The following CTNNA2 variants were observed in gnomAD, a reference collection of about 807,000 sequenced individuals.
CTNNA2 encodes catenin alpha-2.
Under a neutral mutation model 101.0 loss-of-function variants are expected in CTNNA2, and 42 were observed. The observed-to-expected ratio is 0.42, with a 90% CI of 0.32 to 0.54. The LOEUF (loss-of-function observed/expected upper bound fraction) is 0.54, where lower values mean the gene tolerates loss of function less well. CTNNA2 is among the 20% of genes least tolerant of loss of function. CTNNA2 has a pLI of 0.14. For missense variants in CTNNA2, 871 were observed against 1,223.1 expected, an observed-to-expected ratio of 0.71 and a Z score of 4.29; for synonymous variants, 450 against 456.4, an observed-to-expected ratio of 0.99 and a Z score of 0.18.
rs1383752925 is a variant in CTNNA2, at chr2:79,597,117, T to G, written c.-5-54435T>G. Among the ~76,000 whole-genome samples, 3 of 152,246 alleles carry G rather than the reference T, an allele frequency of 2.0e-5. No individual in the cohort carries two copies. In the East Asian group the frequency reaches 5.8e-4, roughly 29 times the overall value. ...ACAAAATAAACTGTACGTATATGCA[T>G]GCACATGCCTTTTGTGTGTGAACAA... On this transcript the variant is annotated intron_variant, in intron 1 of 18. Coordinates refer to ENST00000402739, the MANE Select transcript of CTNNA2 (RefSeq NM_001282597.3).
chr2:80,512,567 T>C (rs1002904441), intron 9 of CTNNA2, among the ~76,000 whole-genome samples: 6 of 152,214 alleles, frequency 3.9e-5, no homozygotes, highest in African/African-American at 1.4e-4. Context: ...AGACTCAGGT[T>C]AACGTTTAAA....
chr2:79,258,587 C>T (rs1674877373), intron 2 of CTNNA2, among the ~76,000 whole-genome samples: 2 of 152,038 alleles, frequency 1.3e-5, no homozygotes, highest in African/African-American at 2.4e-5. Flanking sequence ...AGTGTTGTCT[C>T]TAAAATATCT....
intron 1 of CTNNA2, among the ~76,000 whole-genome samples, chr2:79,527,749 G>A (rs969182089): frequency 6.6e-6 from 1 of 152,128 alleles, no homozygotes; most frequent in African/African-American, 2.4e-5. Flanking sequence ...TTGGAAAACA[G>A]TTTGGTAGTT....
chr2:79,972,891 T>C (rs1475224527), intron 7 of CTNNA2, among the ~76,000 whole-genome samples: 2 of 152,134 alleles, frequency 1.3e-5, no homozygotes, highest in Admixed American at 6.5e-5. Flanking sequence ...GCTCGTAATT[T>C]TCATATCTTT....
intron 2 of CTNNA2, among the ~76,000 whole-genome samples, chr2:79,718,837 T>TGTG (rs985663279): frequency 5.3e-5 from 8 of 151,476 alleles, no homozygotes; most frequent in African/African-American, 1.9e-4. Flanking sequence ...TTTTTTTTTT[T>TGTG]GTGGTGGTGG....
At position 80,544,987 on chromosome 2, in the gene CTNNA2, C is replaced by G; in HGVS notation, c.1296C>G (p.Ala432=). ...TAAAATCCTCTTCAATACAGGTTGC[C>G]AATTTGGCCTGTTCCATCTCCAACA... ...REHANKLVEV[A]NLACSISNNE... The change falls in exon 10 of 19, where the codon GCC becomes GCG. Residue 432 remains alanine, a synonymous_variant. Transcript: ENST00000402739. The G allele has an allele frequency of 6.2e-7, 1 of 1,613,804 alleles. No individual in the cohort carries two copies. The highest frequency in any genetic ancestry group is 8.5e-7 in the Non-Finnish European group (1 of 1,179,850).
At chr2:79,334,360 G>C (rs1185064940) in intron 3 of CTNNA2, among the ~76,000 whole-genome samples, 1 of 151,584 alleles carries the variant, frequency 6.6e-6, no homozygotes, top group Non-Finnish European at 1.5e-5. Flanking sequence ...CTTTTTTTCT[G>C]CACTATGCCA....
chr2:79,971,772 C>G (rs1286765807), intron 7 of CTNNA2, among the ~76,000 whole-genome samples: 1 of 152,112 alleles, frequency 6.6e-6, no homozygotes, highest in Non-Finnish European at 1.5e-5. Context: ...GCACCATTTT[C>G]TTTTTTTGCT....
At chr2:80,481,494 T>G (rs2149500274) in intron 9 of CTNNA2, among the ~76,000 whole-genome samples, 1 of 152,258 alleles carries the variant, frequency 6.6e-6, no homozygotes, top group East Asian at 1.9e-4. Flanking sequence ...ATGAATAATG[T>G]TTGTTTTAAC....
chr2:79,371,941 A>G (rs1311713671), intron 3 of CTNNA2, among the ~76,000 whole-genome samples: 1 of 152,174 alleles, frequency 6.6e-6, no homozygotes, highest in African/African-American at 2.4e-5. Context: ...ACTTGTCAAG[A>G]TGATCTGGAA....
intron 7 of CTNNA2, among the ~76,000 whole-genome samples, chr2:79,938,191 T>C (rs1318179950): frequency 6.6e-6 from 1 of 152,234 alleles, no homozygotes; most frequent in Non-Finnish European, 1.5e-5. Flanking sequence ...CAGCTCACTG[T>C]CGCCTATTTC....
intron 9 of CTNNA2, among the ~76,000 whole-genome samples, chr2:80,500,708 G>A (rs546409323): frequency 1.6e-4 from 25 of 152,256 alleles, no homozygotes; most frequent in Admixed American, 1.6e-3. Flanking sequence ...CTGACAGAAT[G>A]TACAAAGGGT....
intron 2 of CTNNA2, among the ~76,000 whole-genome samples, chr2:79,698,636 G>A (rs1196141343): frequency 1.3e-5 from 2 of 151,984 alleles, no homozygotes; most frequent in African/African-American, 4.8e-5. Flanking sequence ...AGTGAAAATT[G>A]TTTGCTAGTT....
chr2:80,157,105 T>C (rs1244016619), intron 7 of CTNNA2, among the ~76,000 whole-genome samples: 1 of 152,136 alleles, frequency 6.6e-6, no homozygotes, highest in Non-Finnish European at 1.5e-5. Context: ...ATGTAAACAT[T>C]CTCTTTTCTT....
At chr2:79,876,451 GATTA>G (rs1230188954) in intron 6 of CTNNA2, among the ~76,000 whole-genome samples, 1 of 152,054 alleles carries the variant, frequency 6.6e-6, no homozygotes, top group African/African-American at 2.4e-5. Flanking sequence ...GTTAAGAATG[GATTA>G]TTTAGTCAGA....
intron 3 of CTNNA2, among the ~76,000 whole-genome samples, chr2:79,854,400 C>T (rs911366886): frequency 1.3e-5 from 2 of 152,184 alleles, no homozygotes. Context: ...TCATGGCAGT[C>T]TGTGAGGCAG....
chr2:79,502,911 C>T (rs761222142), intron 4 of CTNNA2, among the ~76,000 whole-genome samples: 12 of 152,112 alleles, frequency 7.9e-5, no homozygotes, highest in Non-Finnish European at 1.8e-4. Flanking sequence ...TCAATGGGCT[C>T]ATGTATAAAG....
chr2:80,161,126 C>T (rs1704288570), intron 7 of CTNNA2, among the ~76,000 whole-genome samples: 1 of 152,038 alleles, frequency 6.6e-6, no homozygotes, highest in South Asian at 2.1e-4. Flanking sequence ...CTCACTGAAA[C>T]CTCCCCGCCT....
At chr2:80,101,167 A>T (rs1364180314) in intron 7 of CTNNA2, among the ~76,000 whole-genome samples, 1 of 152,154 alleles carries the variant, frequency 6.6e-6, no homozygotes, top group Admixed American at 6.5e-5. Context: ...AATAGCTCTT[A>T]TGTTTCCCTA....
Sources: gnomAD v4.1 joint callset for allele counts (sites outside exome capture counted in the v4.1 genomes callset) on GRCh38, gnomAD v4.1.1 for gene constraint, MANE v1.5 for transcripts, NCBI Gene and HGNC (gene_info 2026-07-23, HGNC 2026-07-21) for gene names.